Variants in SEMA3C observed in about 807,000 individuals in gnomAD.
SEMA3C encodes the protein semaphorin 3C.
SEMA3C carries 47 observed loss-of-function variants against 89.4 expected under a neutral mutation model. That is an observed-to-expected ratio of 0.53 (90% CI 0.42 to 0.67). The LOEUF is 0.67. Ranked by LOEUF, SEMA3C falls within the 30% of genes least tolerant of loss-of-function variation. The probability of loss-of-function intolerance (pLI) is 0.00; values close to 1 mark genes in which losing one functional copy is unlikely to be tolerated. For synonymous variants in SEMA3C, 310 were observed against 320.2 expected (o/e 0.97, Z 0.34); for missense variants, 839 against 929.1 (o/e 0.90, Z 1.26).
chr7:80,810,510 C>T (rs1391056392), intron 6 of SEMA3C, 101 bp downstream of exon 6: 3 of 793,274 alleles, frequency 3.8e-6, no homozygotes, highest in Non-Finnish European at 6.2e-6. Context: ...ATTTTACTCA[C>T]ATACTATCAT....
At chr7:80,866,910 G>A (rs533269628) in intron 2 of SEMA3C, among the ~76,000 whole-genome samples, 9 of 152,114 alleles carry the variant, frequency 5.9e-5, no homozygotes, top group South Asian at 2.1e-4. Flanking sequence ...CTACATGTGC[G>A]TACAGAAAAT....
At chr7:80,878,933 A>G (rs181264805) in intron 2 of SEMA3C, among the ~76,000 whole-genome samples, 1 of 152,340 alleles carries the variant, frequency 6.6e-6, no homozygotes, top group African/African-American at 2.4e-5. Flanking sequence ...CTGTAATTAA[A>G]GCTAAAGAAA....
chr7:80,793,452 C>A (rs914937674), intron 11 of SEMA3C: 1 of 449,436 alleles, frequency 2.2e-6, no homozygotes, highest in Non-Finnish European at 4.4e-6. Flanking sequence ...CAGTAGGGGA[C>A]ACAAGAATAA....
intron 4 of SEMA3C, among the ~76,000 whole-genome samples, chr7:80,826,113 G>C (rs1196709594): frequency 1.3e-5 from 2 of 152,052 alleles, no homozygotes; most frequent in African/African-American, 4.8e-5. Context: ...GCCCTGCCTT[G>C]AGCCAAAAAC....
At chr7:80,819,037 T>C (rs1789681237) in intron 4 of SEMA3C, among the ~76,000 whole-genome samples, 1 of 152,244 alleles carries the variant, frequency 6.6e-6, no homozygotes, top group Admixed American at 6.5e-5. Context: ...TAGAATGCAA[T>C]TGAACAGAGT....
chr7:80,787,838 G>T (rs973216715), intron 12 of SEMA3C, among the ~76,000 whole-genome samples: 2 of 152,158 alleles, frequency 1.3e-5, no homozygotes, highest in African/African-American at 4.8e-5. Context: ...CAGTTATTCT[G>T]GGAAGGAAGG....
chr7:80,765,341 A>AT (rs1318652241), intron 12 of SEMA3C, 98 bp from the exon 13 acceptor site: 2 of 834,390 alleles, frequency 2.4e-6, no homozygotes, highest in Non-Finnish European at 3.9e-6. Context: ...TTACATAAGT[A>AT]TTTAGTAATC....
At chr7:80,765,937 A>G (rs1229407349) in intron 12 of SEMA3C, among the ~76,000 whole-genome samples, 1 of 152,146 alleles carries the variant, frequency 6.6e-6, no homozygotes, top group Non-Finnish European at 1.5e-5. Context: ...CCAACATTAT[A>G]AAGTGACAAT....
intron 2 of SEMA3C, among the ~76,000 whole-genome samples, chr7:80,839,529 A>T (rs1014242247): frequency 3.9e-5 from 6 of 152,108 alleles, no homozygotes; most frequent in Non-Finnish European, 7.4e-5. Context: ...GTCATTAAAA[A>T]TTTTTTTTGT....
At chr7:80,775,167 T>G (rs1788519054) in intron 12 of SEMA3C, among the ~76,000 whole-genome samples, 1 of 150,580 alleles carries the variant, frequency 6.6e-6, no homozygotes, top group South Asian at 2.2e-4. Context: ...GAAATTTTGT[T>G]GCCTGCAGAC....
At chr7:80,795,995 G>A (rs1168442144) in intron 11 of SEMA3C, among the ~76,000 whole-genome samples, 2 of 152,212 alleles carry the variant, frequency 1.3e-5, no homozygotes, top group Non-Finnish European at 2.9e-5. Context: ...CCTGATTCAA[G>A]CAGCATGGCT....
chr7:80,749,208 G>A (rs569936247), intron 16 of SEMA3C, among the ~76,000 whole-genome samples, 180 bp from the exon 17 acceptor site: 9 of 152,176 alleles, frequency 5.9e-5, no homozygotes, highest in South Asian at 2.1e-4. Flanking sequence ...TTGTTCACCC[G>A]TTTTGTTTGT....
Position 80,770,344 on chromosome 7 carries a change from T to C in SEMA3C, c.1355-5101A>G, listed in dbSNP as rs1788401426. 2.0e-5 allele frequency among the ~76,000 whole-genome samples: 3 copies of C among 152,218 alleles called. No individual in the cohort carries two copies. In the South Asian group the frequency reaches 6.2e-4, roughly 31 times the overall value. On this transcript the variant is annotated intron_variant, in intron 12 of 17. Transcript: ENST00000265361. ...ATATACTTATCAAATGTTTTCCTTC[T>C]GGGGGTGGTGAGAATGGTATTCCCT...
intron 2 of SEMA3C, among the ~76,000 whole-genome samples, chr7:80,896,143 G>A (rs1791731982): frequency 6.6e-6 from 1 of 151,794 alleles, no homozygotes; most frequent in East Asian, 1.9e-4. Flanking sequence ...TTTTAAAATT[G>A]CTTTTTCGAT....
chr7:80,826,597 T>C (rs1367905524), intron 4 of SEMA3C, among the ~76,000 whole-genome samples: 1 of 152,174 alleles, frequency 6.6e-6, no homozygotes, highest in Non-Finnish European at 1.5e-5. Flanking sequence ...TCAGTATTTA[T>C]TGAGCAAATA....
intron 5 of SEMA3C, among the ~76,000 whole-genome samples, chr7:80,811,212 C>G (rs778635868): frequency 3.3e-5 from 5 of 152,066 alleles, no homozygotes; most frequent in Non-Finnish European, 5.9e-5. Flanking sequence ...TTACTCATGA[C>G]TTTATTTAAC....
chr7:80,890,345 C>T (rs1209516279), intron 2 of SEMA3C, among the ~76,000 whole-genome samples: 1 of 152,054 alleles, frequency 6.6e-6, no homozygotes, highest in African/African-American at 2.4e-5. Context: ...TTGTGGCCCC[C>T]TTTTCAACAT....
chr7:80,890,238 T>A (rs1198632901), intron 2 of SEMA3C, among the ~76,000 whole-genome samples: 1 of 152,152 alleles, frequency 6.6e-6, no homozygotes, highest in African/African-American at 2.4e-5. Flanking sequence ...CAGCTTGTTT[T>A]TATAATCTCC....
chr7:80,758,238 A>C, intron 15 of SEMA3C, 93 bp downstream of exon 15: 1 of 1,361,974 alleles, frequency 7.3e-7, no homozygotes, highest in Non-Finnish European at 1.0e-6. Context: ...TCATTTAAGG[A>C]AACAGCAATA....
Sources: gnomAD v4.1 joint callset for allele counts (sites outside exome capture counted in the v4.1 genomes callset) on GRCh38, gnomAD v4.1.1 for gene constraint, MANE v1.5 for transcripts, NCBI Gene and HGNC (gene_info 2026-07-23, HGNC 2026-07-21) for gene names.